The following SMC5 variants were observed in gnomAD, a reference collection of about 807,000 sequenced individuals.
SMC5 encodes the protein structural maintenance of chromosomes protein 5.
In SMC5, 88 loss-of-function variants were observed where a neutral mutation model predicts 148.3. That is an observed-to-expected ratio of 0.59 (90% CI 0.50 to 0.71). The LOEUF (loss-of-function observed/expected upper bound fraction) is 0.71, where lower values mean the gene tolerates loss of function less well. Among genes scored for constraint, SMC5 ranks in the 30% least tolerant of loss-of-function variants. The probability of loss-of-function intolerance (pLI) is 0.00; values close to 1 mark genes in which losing one functional copy is unlikely to be tolerated. For missense variants in SMC5, 1,142 were observed against 1,298.9 expected (o/e 0.88, Z 1.86); for synonymous variants, 421 against 432.8 (o/e 0.97, Z 0.34).
chr9:70,280,267 A>T (rs2034713782), intron 5 of SMC5, among the ~76,000 whole-genome samples: 1 of 152,338 alleles, frequency 6.6e-6, no homozygotes, highest in Admixed American at 6.5e-5. Flanking sequence ...ACATCTTTGT[A>T]TTTATTAATT....
intron 24 of SMC5, among the ~76,000 whole-genome samples, chr9:70,351,085 C>T (rs2036792518): frequency 2.0e-5 from 3 of 152,240 alleles, no homozygotes; most frequent in Admixed American, 2.0e-4. Context: ...GGTGCACTGG[C>T]TCATACCTGT....
At chr9:70,323,221 T>C (rs559689743) in intron 15 of SMC5, among the ~76,000 whole-genome samples, 1 of 152,348 alleles carries the variant, frequency 6.6e-6, no homozygotes, top group African/African-American at 2.4e-5. Context: ...TTTAGGATTA[T>C]TGTGTTGTGT....
rs929615251 is a variant in SMC5, at chr9:70,259,249, G to T, written c.171G>T (p.Ser57=). The change falls in exon 1 of 25, where the codon TCG becomes TCT. Residue 57 remains serine, a synonymous_variant. Coordinates refer to ENST00000361138, the MANE Select transcript of SMC5 (RefSeq NM_015110.4). The part of the protein sequence containing the change: ...PFVEGSIVRI[S]MENFLTYDIC... ...TGGAAGGCTCTATCGTCCGCATCTC[G>T]ATGGAGAACTTCCTGTAAGTTGCCC... The T allele has an allele frequency of 5.0e-6, 8 of 1,589,592 alleles. No homozygotes were observed. Among genetic ancestry groups the T allele is most frequent in the South Asian group, 1.1e-5 (1 of 87,628 alleles).
intron 12 of SMC5, among the ~76,000 whole-genome samples, chr9:70,315,211 C>T (rs2035763714): frequency 6.6e-6 from 1 of 151,572 alleles, no homozygotes; most frequent in Admixed American, 6.6e-5. Flanking sequence ...AGTAAGCATT[C>T]TAAACATAAT....
chr9:70,259,005 T>C lies in SMC5; in HGVS notation c.-74T>C. ...TTCGCGCGGGAGCGGGGCGCCTGGG[T>C]GGATGGGCGCTTGGGCGCCTGGGCT... On this transcript the variant is annotated 5_prime_UTR_variant, in exon 1 of 25. Transcript: ENST00000361138. 1 of 1,469,526 alleles carries C rather than the reference T, an allele frequency of 6.8e-7. No homozygotes were observed. The highest frequency in any genetic ancestry group is 9.0e-7 in the Non-Finnish European group (1 of 1,106,434). The allele number at this position is 1,469,526 out of a possible 1,614,324, so 91.0% of individuals were successfully genotyped here.
intron 10 of SMC5, among the ~76,000 whole-genome samples, chr9:70,304,259 T>C (rs760145770): frequency 6.6e-6 from 1 of 152,152 alleles, no homozygotes; most frequent in Non-Finnish European, 1.5e-5. Context: ...TTATTATTAT[T>C]GTAGAGACAG....
chr9:70,328,821 A>T (rs572691871), intron 17 of SMC5, among the ~76,000 whole-genome samples: 2 of 152,342 alleles, frequency 1.3e-5, no homozygotes, highest in South Asian at 4.1e-4. Context: ...TAGCCCCTGC[A>T]GCAGACTTCT....
At chr9:70,290,497 C>T (rs1392080481) in intron 8 of SMC5, among the ~76,000 whole-genome samples, 1 of 152,028 alleles carries the variant, frequency 6.6e-6, no homozygotes, top group Non-Finnish European at 1.5e-5. Context: ...CGCAATAGTT[C>T]TTTTATATTG....
intron 8 of SMC5, among the ~76,000 whole-genome samples, chr9:70,290,696 T>G (rs2035033398): frequency 6.6e-6 from 1 of 152,178 alleles, no homozygotes; most frequent in Admixed American, 6.5e-5. Context: ...TTTAGTTCAT[T>G]GAACATATTT....
At position 70,348,015 on chromosome 9, in the gene SMC5, G is replaced by GA. The variant is rs751335044; in HGVS notation, c.2866_2867insA (p.Val956AspfsTer2). The GA allele has an allele frequency of 6.3e-7, 1 of 1,589,226 alleles. No homozygotes were observed. Among genetic ancestry groups the GA allele is most frequent in the South Asian group, 1.2e-5 (1 of 84,818 alleles). On this transcript the variant is annotated frameshift_variant, in exon 22 of 25. Coordinates refer to ENST00000361138, the MANE Select transcript of SMC5 (RefSeq NM_015110.4). LOFTEE classifies it high-confidence loss of function. ...TAGTTCCATGCAGTGTGCTGGTGAA[G>GA]TTGATCTCCATACAGAAAATGAGGT...
At chr9:70,318,381 C>T (rs984289080) in intron 13 of SMC5, 133 bp from the exon 14 acceptor site, 1 of 679,560 alleles carries the variant, frequency 1.5e-6, no homozygotes, top group African/African-American at 1.9e-5. Context: ...GAGTGAGACC[C>T]TGTCTAAAAA....
Position 70,314,741 on chromosome 9 carries a change from G to T in SMC5, c.1579-1G>T. ...TAATATTTTCTTTTCCCTATATTCAGGTTCGTGACAATAAAAAATTAAGAG... is the reference window on the plus strand; with the variant it reads ...TAATATTTTCTTTTCCCTATATTCATGTTCGTGACAATAAAAAATTAAGAG... On this transcript the variant is annotated splice_acceptor_variant, in intron 11 of 24. Coordinates refer to ENST00000361138, the MANE Select transcript of SMC5 (RefSeq NM_015110.4). LOFTEE classifies it high-confidence loss of function. 1 of 1,503,448 alleles carries T rather than the reference G, an allele frequency of 6.7e-7. No homozygotes were observed. The highest frequency in any genetic ancestry group is 1.4e-5 in the African/African-American group (1 of 71,216). The allele number at this position is 1,503,448 out of a possible 1,614,324, so 93.1% of individuals were successfully genotyped here. A position where few individuals can be genotyped will look rare whatever the true frequency, so the allele number is the denominator to read the frequency against.
At chr9:70,271,662 G>A (rs1466032276) in intron 3 of SMC5, among the ~76,000 whole-genome samples, 2 of 152,148 alleles carry the variant, frequency 1.3e-5, no homozygotes, top group Non-Finnish European at 2.9e-5. Flanking sequence ...CAGAAAAGGA[G>A]GATAGGAGTG....
At chr9:70,296,664 GGA>G (rs2035210301) in intron 8 of SMC5, among the ~76,000 whole-genome samples, 1 of 152,142 alleles carries the variant, frequency 6.6e-6, no homozygotes, top group East Asian at 1.9e-4. Context: ...TAATGAGGAA[GGA>G]GAGGAGTAAA....
Position 70,294,489 on chromosome 9 carries a change from G to A in SMC5, c.1054-3477G>A, listed in dbSNP as rs146837438. ...GTCAAGGGATCTTTCCAAGGGAGTG[G>A]TTATAGCGCTGCATTGTGGAGCCTC... is the stretch of plus-strand genomic sequence containing the variant. On this transcript the variant is annotated intron_variant, in intron 8 of 24. Transcript: ENST00000361138. 3.9e-3 allele frequency among the ~76,000 whole-genome samples: 601 copies of A among 152,306 alleles called. 3 individuals are homozygous for A. Among genetic ancestry groups the A allele is most frequent in the African/African-American group, 0.013 (554 of 41,572 alleles).
At chr9:70,313,338 A>G (rs1330744150) in intron 11 of SMC5, among the ~76,000 whole-genome samples, 1 of 152,152 alleles carries the variant, frequency 6.6e-6, no homozygotes, top group Non-Finnish European at 1.5e-5. Context: ...GTAATAAACC[A>G]TAGTTTTCTT....
chr9:70,307,723 C>T (rs1384193291), intron 11 of SMC5, among the ~76,000 whole-genome samples: 4 of 151,938 alleles, frequency 2.6e-5, no homozygotes, highest in Admixed American at 6.6e-5. Context: ...AGGCTGCTCT[C>T]GAACTCCTGA....
intron 17 of SMC5, among the ~76,000 whole-genome samples, chr9:70,332,523 CAAAAAAAAA>C (rs57524323): frequency 9.6e-6 from 1 of 104,212 alleles, no homozygotes; most frequent in African/African-American, 3.7e-5. Flanking sequence ...GACCCTGTCT[CAAAAAAAAA>C]AAAAAAAAAA....
intron 15 of SMC5, among the ~76,000 whole-genome samples, chr9:70,320,136 TAGTC>T (rs1365280447): frequency 6.6e-6 from 1 of 152,236 alleles, no homozygotes; most frequent in Non-Finnish European, 1.5e-5. Context: ...ACTCCAAACT[TAGTC>T]ACACAAGTGC....
Sources: gnomAD v4.1 joint callset for allele counts (sites outside exome capture counted in the v4.1 genomes callset) on GRCh38, gnomAD v4.1.1 for gene constraint, MANE v1.5 for transcripts, NCBI Gene and HGNC (gene_info 2026-07-23, HGNC 2026-07-21) for gene names.